Variants in SH3RF3 observed in about 807,000 individuals in gnomAD.
The protein encoded by SH3RF3 is SH3 domain containing ring finger 3, also known as E3 ubiquitin-protein ligase SH3RF3.
Under a neutral mutation model 66.3 loss-of-function variants are expected in SH3RF3, and 29 were observed. The ratio of observed to expected loss-of-function variants is 0.44; its 90% CI spans 0.33 to 0.60. SH3RF3 has a LOEUF of 0.60. Ranked by LOEUF, SH3RF3 falls within the 20% of genes least tolerant of loss-of-function variation. SH3RF3 has a pLI of 0.04. For missense variants in SH3RF3, 1,194 were observed against 1,190.9 expected, an observed-to-expected ratio of 1.00 and a Z score of -0.04; for synonymous variants, 583 against 532.0, an observed-to-expected ratio of 1.10 and a Z score of -1.32.
intron 1 of SH3RF3, among the ~76,000 whole-genome samples, chr2:109,211,904 A>G (rs2105110459): frequency 6.6e-6 from 1 of 152,280 alleles, no homozygotes; most frequent in African/African-American, 2.4e-5. Flanking sequence ...CGGCCTCCCA[A>G]AGTGCTGGGA....
At chr2:109,335,229 G>A (rs899584899) in intron 1 of SH3RF3, among the ~76,000 whole-genome samples, 1 of 152,210 alleles carries the variant, frequency 6.6e-6, no homozygotes, top group African/African-American at 2.4e-5. Context: ...GCAGCTGTGG[G>A]GACTGTGGGG....
At chr2:109,375,956 C>T (rs1683371485) in intron 3 of SH3RF3, among the ~76,000 whole-genome samples, 1 of 152,244 alleles carries the variant, frequency 6.6e-6, no homozygotes, top group South Asian at 2.1e-4. Context: ...GGCCTGTGGT[C>T]ACCCCCTTTA....
chr2:109,216,263 C>T (rs1679099466), intron 1 of SH3RF3, among the ~76,000 whole-genome samples: 1 of 152,228 alleles, frequency 6.6e-6, no homozygotes, highest in Non-Finnish European at 1.5e-5. Context: ...TCTCTCTGGC[C>T]AGCTCTAGCC....
chr2:109,402,227 G>A (rs567154668), intron 4 of SH3RF3, among the ~76,000 whole-genome samples: 3 of 152,344 alleles, frequency 2.0e-5, no homozygotes, highest in African/African-American at 7.2e-5. Flanking sequence ...GGCCATGTGC[G>A]TCTGACCAGG....
chr2:109,438,862 A>G (rs1282977533), intron 7 of SH3RF3, among the ~76,000 whole-genome samples: 2 of 152,294 alleles, frequency 1.3e-5, no homozygotes, highest in East Asian at 3.9e-4. Context: ...CAGGGGAGCA[A>G]AAGTCCCAGG....
intron 3 of SH3RF3, among the ~76,000 whole-genome samples, chr2:109,388,490 A>G (rs746417126): frequency 6.6e-6 from 1 of 152,050 alleles, no homozygotes; most frequent in Non-Finnish European, 1.5e-5. Context: ...CCCCCCAGGT[A>G]CTCTCAGCTG....
chr2:109,303,078 G>A (rs1270829507), intron 1 of SH3RF3, among the ~76,000 whole-genome samples: 1 of 152,124 alleles, frequency 6.6e-6, no homozygotes, highest in Non-Finnish European at 1.5e-5. Flanking sequence ...GTTTCATCAT[G>A]CTGGCCAGGC....
chr2:109,234,346 G>A (rs1416048454), intron 1 of SH3RF3, among the ~76,000 whole-genome samples: 2 of 152,184 alleles, frequency 1.3e-5, no homozygotes, highest in Non-Finnish European at 2.9e-5. Context: ...CTTTATTGCA[G>A]GATTCTTAGT....
chr2:109,143,307 A>G (rs1677009268), intron 1 of SH3RF3, among the ~76,000 whole-genome samples: 1 of 152,224 alleles, frequency 6.6e-6, no homozygotes, highest in African/African-American at 2.4e-5. Context: ...TTGGAGGACC[A>G]TAGTTTGGAT....
chr2:109,207,729 G>T (rs1399012878), intron 1 of SH3RF3, among the ~76,000 whole-genome samples: 1 of 152,136 alleles, frequency 6.6e-6, no homozygotes, highest in Admixed American at 6.5e-5. Context: ...ACTTACCTGA[G>T]ACTGAATTAT....
In SH3RF3 at chr2:109,367,675, A is replaced by G. The variant is rs13408901; in HGVS notation, c.850-3911A>G. On this transcript the variant is annotated intron_variant, in intron 2 of 9. Coordinates refer to ENST00000309415, the MANE Select transcript of SH3RF3 (RefSeq NM_001099289.3). ...TGACTGAGTGTATTCCATTGAATGC[A>G]CAATACTGTAATTTATTTAACCAGT... Among the ~76,000 whole-genome samples the G allele has an allele frequency of 4.1e-3, 624 of 152,296 alleles. 3 individuals are homozygous for G. Among genetic ancestry groups the G allele is most frequent in the African/African-American group, 0.014 (583 of 41,550 alleles).
At chr2:109,425,983 C>T (rs1312130696) in intron 5 of SH3RF3, among the ~76,000 whole-genome samples, 2 of 152,120 alleles carry the variant, frequency 1.3e-5, no homozygotes, top group Non-Finnish European at 2.9e-5. Flanking sequence ...CTGCAACCTC[C>T]GCCTCCTGGG....
intron 2 of SH3RF3, among the ~76,000 whole-genome samples, chr2:109,350,251 C>T (rs1682810810): frequency 6.6e-6 from 1 of 152,194 alleles, no homozygotes; most frequent in African/African-American, 2.4e-5. Flanking sequence ...TGCCCAGGCT[C>T]TCTGGAAGGT....
intron 1 of SH3RF3, among the ~76,000 whole-genome samples, chr2:109,132,723 A>T (rs544429374): frequency 6.6e-6 from 1 of 152,310 alleles, no homozygotes; most frequent in South Asian, 2.1e-4. Context: ...TAACCCTTGC[A>T]GTTGCTAATG....
intron 1 of SH3RF3, among the ~76,000 whole-genome samples, chr2:109,265,866 G>A (rs576527748): frequency 1.3e-4 from 20 of 152,338 alleles, no homozygotes; most frequent in African/African-American, 4.1e-4. Flanking sequence ...CCACTGAGCT[G>A]GGGCATTGAG....
rs573507880 is a variant in SH3RF3, at chr2:109,234,216, TAGTC to T, written c.573+104107_573+104110del. Among the ~76,000 whole-genome samples, 929 of 152,348 alleles carry T rather than the reference TAGTC, an allele frequency of 6.1e-3. 7 individuals are homozygous for T. The highest frequency in any genetic ancestry group is 0.014 in the South Asian group (70 of 4,828). On this transcript the variant is annotated intron_variant, in intron 1 of 9. Coordinates refer to ENST00000309415, the MANE Select transcript of SH3RF3 (RefSeq NM_001099289.3). ...CCATTGGAATCTCTGAATTTGTTAT[TAGTC>T]AGTTACTTTTCTGAATGGACTAGAT...
chr2:109,465,410 C>T (rs572247101), intron 8 of SH3RF3, among the ~76,000 whole-genome samples: 1 of 152,312 alleles, frequency 6.6e-6, no homozygotes, highest in East Asian at 1.9e-4. Context: ...TGCCAACTCT[C>T]TTCCAAAGTG....
At chr2:109,258,638 C>T (rs1216326607) in intron 1 of SH3RF3, among the ~76,000 whole-genome samples, 1 of 152,250 alleles carries the variant, frequency 6.6e-6, no homozygotes, top group African/African-American at 2.4e-5. Flanking sequence ...CATCCCTGCA[C>T]TGACCAGCAG....
At chr2:109,416,904 CAAAAAAAAAAA>C (rs59855463) in intron 4 of SH3RF3, among the ~76,000 whole-genome samples, 32 of 64,358 alleles carry the variant, frequency 5.0e-4, no homozygotes, top group African/African-American at 1.4e-3. Flanking sequence ...GACTTCATCT[CAAAAAAAAAAA>C]AAAAAAAAAG....
Sources: allele counts gnomAD v4.1 joint callset (sites outside exome capture counted in the v4.1 genomes callset), GRCh38; gene constraint gnomAD v4.1.1; transcripts MANE v1.5; gene names NCBI Gene and HGNC (gene_info 2026-07-23, HGNC 2026-07-21).